The following TTC6 variants were observed in gnomAD, a reference collection of about 807,000 sequenced individuals.
TTC6 encodes tetratricopeptide repeat protein 6.
In TTC6, 172 loss-of-function variants were observed where a neutral mutation model predicts 210.4. The ratio of observed to expected loss-of-function variants is 0.82; its 90% CI spans 0.72 to 0.93. The LOEUF (loss-of-function observed/expected upper bound fraction) is 0.93, where lower values mean the gene tolerates loss of function less well. TTC6 is among the 40% of genes least tolerant of loss of function. The pLI, the probability that TTC6 is intolerant of heterozygous loss-of-function variation, is 0.00. For missense variants in TTC6, 2,414 were observed against 2,318.1 expected (o/e 1.04, Z -0.85); for synonymous variants, 804 against 819.6 (o/e 0.98, Z 0.32).
intron 27 of TTC6, among the ~76,000 whole-genome samples, chr14:37,825,894 C>T (rs2096169946): frequency 1.3e-5 from 2 of 151,956 alleles, no homozygotes; most frequent in Non-Finnish European, 1.5e-5. Flanking sequence ...TGGTAAAAAC[C>T]ACTGGCGTTT....
Position 37,795,303 on chromosome 14 carries a change from T to C in TTC6, c.3742T>C (p.Ser1248Pro), listed in dbSNP as rs1342090761. The C allele has an allele frequency of 2.6e-6, 4 of 1,532,730 alleles. No homozygotes were observed. The Admixed American group carries it at 5.9e-5, about 23-fold the overall frequency. 94.9% of individuals were successfully genotyped at this position (1,532,730 alleles called of 1,614,324 possible). A position where few individuals can be genotyped will look rare whatever the true frequency, so the allele number is the denominator to read the frequency against. The change falls in exon 18 of 31, where the codon TCT becomes CCT. Residue 1248 changes from serine to proline, a missense_variant. Physicochemically the swap from Ser to Pro is moderately conservative, Grantham distance 74. Transcript: ENST00000553443. ...ATTGAAAAAGGCAGTAAATGAATTG[T>C]CTCGTGCTATCCACCTTCAGCCAGA...
At chr14:37,705,334 A>AT (rs201769936) in intron 5 of TTC6, among the ~76,000 whole-genome samples, 9 of 152,086 alleles carry the variant, frequency 5.9e-5, no homozygotes, top group Admixed American at 2.0e-4. Context: ...ATTTTTGATT[A>AT]TTTTTTTACA....
intron 10 of TTC6, among the ~76,000 whole-genome samples, chr14:37,739,389 C>T (rs1455243956): frequency 1.3e-5 from 2 of 151,616 alleles, no homozygotes; most frequent in African/African-American, 4.8e-5. Flanking sequence ...CCAGCCTGGC[C>T]AACATGGTGA....
chr14:37,806,248 C>A, intron 21 of TTC6, 113 bp from the exon 24 acceptor site: 2 of 1,116,760 alleles, frequency 1.8e-6, no homozygotes, highest in South Asian at 2.0e-5. Flanking sequence ...TTAAAATAAT[C>A]CAAAAATAGA....
At chr14:37,690,517 A>G (rs2095801606) in intron 3 of TTC6, among the ~76,000 whole-genome samples, 1 of 152,172 alleles carries the variant, frequency 6.6e-6, no homozygotes, top group African/African-American at 2.4e-5. Flanking sequence ...CATAGACTGA[A>G]AATACAGGGA....
chr14:37,731,809 A>G (rs923676576), intron 7 of TTC6, among the ~76,000 whole-genome samples: 45 of 152,314 alleles, frequency 3.0e-4, no homozygotes, highest in African/African-American at 1.0e-3. Context: ...TGTGTCTTTT[A>G]TAAACAACAT....
chr14:37,622,138 T>C lies in TTC6; in HGVS notation c.74T>C (p.Val25Ala), dbSNP rs2139296861. 2.6e-6 allele frequency: 4 copies of C among 1,535,508 alleles called. No individual in the cohort carries two copies. In the South Asian group the frequency reaches 4.8e-5, roughly 18 times the overall value. Reference sequence around the variant, plus strand: ...TATATGTTTAAAGAGCTTGAGAAAGTTCGGCAGGAAACTAAAAAGGATTTT... The same window carrying C: ...TATATGTTTAAAGAGCTTGAGAAAGCTCGGCAGGAAACTAAAAAGGATTTT... Residue 25 changes from valine (V) to alanine (A), a missense_variant, in exon 1 of 31, where the codon GTT (valine) becomes GCT (alanine). Physicochemically the swap from Val to Ala is moderately conservative, Grantham distance 64. Coordinates refer to ENST00000553443, the Ensembl canonical transcript of TTC6.
intron 14 of TTC6, among the ~76,000 whole-genome samples, chr14:37,754,825 G>C (rs1254704658): frequency 6.6e-6 from 1 of 152,130 alleles, no homozygotes; most frequent in East Asian, 1.9e-4. Flanking sequence ...CATTTGGGTT[G>C]GTTCCAAGTC....
chr14:37,786,356 C>T (rs1057415526), intron 14 of TTC6, among the ~76,000 whole-genome samples: 3 of 152,208 alleles, frequency 2.0e-5, no homozygotes, highest in Non-Finnish European at 2.9e-5. Flanking sequence ...TCGTTGCTGC[C>T]TTGCAGTTTG....
intron 21 of TTC6, among the ~76,000 whole-genome samples, chr14:37,806,139 T>C (rs2096118135): frequency 6.6e-6 from 1 of 152,218 alleles, no homozygotes; most frequent in Non-Finnish European, 1.5e-5. Flanking sequence ...ACAATATGGA[T>C]TATGTAGACC....
chr14:37,620,518 T>C (rs1217355440), upstream of TTC6, among the ~76,000 whole-genome samples: 2 of 152,172 alleles, frequency 1.3e-5, no homozygotes, highest in Admixed American at 6.5e-5. Context: ...CCCTCCCGCC[T>C]CACACAGGTA....
intron 1 of TTC6, among the ~76,000 whole-genome samples, chr14:37,649,928 T>C (rs1285695183): frequency 6.6e-6 from 1 of 152,242 alleles, no homozygotes; most frequent in East Asian, 1.9e-4. Flanking sequence ...ACCCCATATA[T>C]ATTTCAAATA....
chr14:37,672,302 T>C (rs1008464309), intron 1 of TTC6, among the ~76,000 whole-genome samples: 1 of 152,190 alleles, frequency 6.6e-6, no homozygotes, highest in Non-Finnish European at 1.5e-5. Context: ...CCTCTGATAT[T>C]TATACTCTTA....
Position 37,625,346 on chromosome 14 carries a change from G to A in TTC6, c.939+2343G>A, listed in dbSNP as rs549110479. 1.8e-4 allele frequency among the ~76,000 whole-genome samples: 28 copies of A among 151,878 alleles called. 1 individual carries two copies. Among genetic ancestry groups the A allele is most frequent in the Admixed American group, 5.9e-4 (9 of 15,262 alleles). On this transcript the variant is annotated intron_variant, in intron 1 of 30. Transcript: ENST00000553443. ...GTGGATCACCTGAGGTCAGGAGTTCGAGACCAGCCTGGCCAACATGGTGAA... is the reference window on the plus strand; with the variant it reads ...GTGGATCACCTGAGGTCAGGAGTTCAAGACCAGCCTGGCCAACATGGTGAA...
chr14:37,738,693 A>G, intron 9 of TTC6, 83 bp from the exon 12 acceptor site: 3 of 1,142,348 alleles, frequency 2.6e-6, no homozygotes, highest in African/African-American at 1.6e-5. Context: ...ATTAATAGTA[A>G]TTGTAACAGA....
chr14:37,613,375 T>G (rs1415243655), intron 2 of TTC6, among the ~76,000 whole-genome samples: 2 of 152,112 alleles, frequency 1.3e-5, no homozygotes, highest in Non-Finnish European at 2.9e-5. Flanking sequence ...AAAAATATAT[T>G]TTTGGATTTG....
intron 20 of TTC6, among the ~76,000 whole-genome samples, chr14:37,802,735 C>G (rs1164557381): frequency 3.4e-5 from 3 of 88,318 alleles, no homozygotes; most frequent in Admixed American, 3.5e-4. Context: ...TTTCTTTTTT[C>G]TCTTTTTTTT....
At chr14:37,621,599 G>A (rs1474566108), upstream of TTC6, among the ~76,000 whole-genome samples, 2 of 152,114 alleles carry the variant, frequency 1.3e-5, no homozygotes, top group African/African-American at 4.8e-5. Flanking sequence ...GCAACAGAGC[G>A]AGATCTTGTC....
intron 1 of TTC6, among the ~76,000 whole-genome samples, chr14:37,639,724 A>C (rs1249622449): frequency 6.7e-6 from 1 of 150,174 alleles, no homozygotes; most frequent in African/African-American, 2.4e-5. Context: ...ACAAAAAAAA[A>C]AAAAAAAAAA....
Sources: gnomAD v4.1 joint callset for allele counts (sites outside exome capture counted in the v4.1 genomes callset) on GRCh38, gnomAD v4.1.1 for gene constraint, MANE v1.5 for transcripts, NCBI Gene and HGNC (gene_info 2026-07-23, HGNC 2026-07-21) for gene names.